PRKG1: variants seen among roughly 807,000 people sequenced by gnomAD.
The protein encoded by PRKG1 is cGMP-dependent protein kinase 1.
Under a neutral mutation model 88.1 loss-of-function variants are expected in PRKG1, and 35 were observed. That is an observed-to-expected ratio of 0.40 (90% CI 0.30 to 0.53). The LOEUF is 0.53. Ranked by LOEUF, PRKG1 falls within the 20% of genes least tolerant of loss-of-function variation. PRKG1 has a pLI of 0.59. For missense variants in PRKG1, 540 were observed against 839.8 expected (o/e 0.64, Z 4.41); for synonymous variants, 303 against 292.5 (o/e 1.04, Z -0.37).
chr10:51,464,972 G>A (rs1344707163), intron 2 of PRKG1, among the ~76,000 whole-genome samples: 4 of 151,984 alleles, frequency 2.6e-5, no homozygotes, highest in Non-Finnish European at 5.9e-5. Flanking sequence ...TTAAACTTTG[G>A]AGACTTACAC....
intron 13 of PRKG1, 108 bp from the exon 14 acceptor site, chr10:52,282,045 C>T (rs1842013111): frequency 2.6e-6 from 3 of 1,142,154 alleles, no homozygotes; most frequent in African/African-American, 3.1e-5. Context: ...ACTATAAAAA[C>T]ATACATGTTT....
intron 2 of PRKG1, among the ~76,000 whole-genome samples, chr10:51,163,107 G>T (rs1327347089): frequency 6.6e-6 from 1 of 151,778 alleles, no homozygotes; most frequent in Non-Finnish European, 1.5e-5. Flanking sequence ...GGAGGCTGGG[G>T]TGAGCCGAGA....
intron 3 of PRKG1, among the ~76,000 whole-genome samples, chr10:51,487,250 A>G (rs1313841825): frequency 1.3e-5 from 2 of 152,218 alleles, no homozygotes; most frequent in African/African-American, 2.4e-5. Context: ...AAATAAGAAT[A>G]CATGTTTAAA....
chr10:51,138,937 C>T (rs1393291112), intron 1 of PRKG1, among the ~76,000 whole-genome samples: 1 of 151,990 alleles, frequency 6.6e-6, no homozygotes, highest in Non-Finnish European at 1.5e-5. Flanking sequence ...TGCTCCTCAG[C>T]CTCCAAAGTG....
chr10:51,709,006 G>C (rs572272061), intron 3 of PRKG1, among the ~76,000 whole-genome samples: 79 of 152,306 alleles, frequency 5.2e-4, no homozygotes, highest in African/African-American at 1.9e-3. Flanking sequence ...TAAAAGGGCT[G>C]TTTTGAGCTA....
chr10:51,168,965 A>G lies in PRKG1; in HGVS notation c.478+15635A>G, dbSNP rs1846624248. 2.0e-5 allele frequency among the ~76,000 whole-genome samples: 3 copies of G among 152,160 alleles called. No individual in the cohort carries two copies. In the South Asian group the frequency reaches 6.2e-4, roughly 31 times the overall value. ...GTTTGTACACTTTCTGATGTTCAAG[A>G]TTTGGGAATTGGATTGGATTCCCCA... On this transcript the variant is annotated intron_variant, in intron 2 of 17. Coordinates refer to ENST00000373980, the MANE Select transcript of PRKG1 (RefSeq NM_006258.4).
At chr10:51,738,973 AT>A (rs1246837257) in intron 3 of PRKG1, among the ~76,000 whole-genome samples, 2 of 152,206 alleles carry the variant, frequency 1.3e-5, no homozygotes, top group African/African-American at 4.8e-5. Context: ...CTAGATGTGC[AT>A]TCTATGTAGG....
chr10:52,172,443 C>T (rs1231003404), intron 9 of PRKG1, among the ~76,000 whole-genome samples: 2 of 152,248 alleles, frequency 1.3e-5, no homozygotes, highest in East Asian at 3.9e-4. Context: ...TACTTTGGTC[C>T]TGTATGGCAA....
At position 51,400,190 on chromosome 10, in the gene PRKG1, C is replaced by T. The variant is rs182331442; in HGVS notation, c.479-67533C>T. Among the ~76,000 whole-genome samples, 269 of 151,912 alleles carry T rather than the reference C, an allele frequency of 1.8e-3. 1 individual carries two copies. The highest frequency in any genetic ancestry group is 0.017 in the Middle Eastern group (5 of 294). On this transcript the variant is annotated intron_variant, in intron 2 of 17. Coordinates refer to ENST00000373980, the MANE Select transcript of PRKG1 (RefSeq NM_006258.4). ...AAAGAGCAATGATTAAGACAGACAA[C>T]GTATTTTCTCTTATAAAGACTGTAT...
rs1847663357 is a variant in PRKG1 at position 52,115,404 on chromosome 10, T to A, written c.936-18436T>A. 2.6e-5 allele frequency among the ~76,000 whole-genome samples: 4 copies of A among 152,170 alleles called. No homozygotes were observed. The South Asian group carries it at 8.3e-4, about 31-fold the overall frequency. On this transcript the variant is annotated intron_variant, in intron 7 of 17. Coordinates refer to ENST00000373980, the MANE Select transcript of PRKG1 (RefSeq NM_006258.4). ...ATAGTCTTATTTCTCTCTCCTTGCC[T>A]ATTTGGCCCTAGAGCTTCAGCCATT...
At chr10:51,284,605 A>G (rs940878732) in intron 2 of PRKG1, among the ~76,000 whole-genome samples, 1 of 152,246 alleles carries the variant, frequency 6.6e-6, no homozygotes, top group African/African-American at 2.4e-5. Flanking sequence ...AAAAAAGTCT[A>G]TAGTGCTTAT....
chr10:51,958,031 T>G (rs574785379), intron 5 of PRKG1, among the ~76,000 whole-genome samples: 1 of 152,284 alleles, frequency 6.6e-6, no homozygotes, highest in Admixed American at 6.5e-5. Flanking sequence ...ACCTTAGATT[T>G]TTTTTAATAT....
chr10:51,960,704 T>A (rs533691335), intron 5 of PRKG1, among the ~76,000 whole-genome samples: 1 of 152,306 alleles, frequency 6.6e-6, no homozygotes, highest in Non-Finnish European at 1.5e-5. Flanking sequence ...AAGCAGATTG[T>A]CTGTGATCCA....
At position 51,883,289 on chromosome 10, in the gene PRKG1, T is replaced by C. The variant is rs1209359852; in HGVS notation, c.699-24218T>C. On this transcript the variant is annotated intron_variant, in intron 4 of 17. Coordinates refer to ENST00000373980, the MANE Select transcript of PRKG1 (RefSeq NM_006258.4). Reference sequence around the variant, plus strand: ...GCTTCTGCAACTTGCAGATGGCAGATTGTGGGGCTCTCAGTCTCCATAATT... The same window carrying C: ...GCTTCTGCAACTTGCAGATGGCAGACTGTGGGGCTCTCAGTCTCCATAATT... 2.0e-5 allele frequency among the ~76,000 whole-genome samples: 3 copies of C among 152,212 alleles called. No homozygotes were observed. In the South Asian group the frequency reaches 6.2e-4, roughly 31 times the overall value.
chr10:51,464,270 C>T lies in PRKG1; in HGVS notation c.479-3453C>T, dbSNP rs570378929. Among the ~76,000 whole-genome samples, 37 of 151,260 alleles carry T rather than the reference C, an allele frequency of 2.4e-4. No individual in the cohort carries two copies. The East Asian group carries it at 7.1e-3, about 29-fold the overall frequency. On this transcript the variant is annotated intron_variant, in intron 2 of 17. Coordinates refer to ENST00000373980, the MANE Select transcript of PRKG1 (RefSeq NM_006258.4). ...ACCACTGCTCTCCAGCCTGGCTGAGCGAGACTCCATCTCAAAAAAAAAAGC... is the reference window on the plus strand; with the variant it reads ...ACCACTGCTCTCCAGCCTGGCTGAGTGAGACTCCATCTCAAAAAAAAAAGC...
intron 4 of PRKG1, among the ~76,000 whole-genome samples, chr10:51,856,748 G>A (rs532252871): frequency 2.0e-5 from 3 of 152,014 alleles, no homozygotes; most frequent in Non-Finnish European, 2.9e-5. Context: ...GGTGGATCAC[G>A]AGGTCAGGAG....
chr10:51,514,589 A>G (rs1841523233), intron 3 of PRKG1, among the ~76,000 whole-genome samples: 1 of 152,330 alleles, frequency 6.6e-6, no homozygotes, highest in African/African-American at 2.4e-5. Context: ...CAAAGACTTG[A>G]AGTCAGTCTG....
chr10:52,223,571 A>C (rs1216860253), intron 9 of PRKG1, among the ~76,000 whole-genome samples: 1 of 152,076 alleles, frequency 6.6e-6, no homozygotes, highest in Non-Finnish European at 1.5e-5. Flanking sequence ...GGTGATCTTC[A>C]GGTAGTCTCA....
chr10:52,269,070 A>G (rs947056767), intron 10 of PRKG1, among the ~76,000 whole-genome samples: 1 of 152,024 alleles, frequency 6.6e-6, no homozygotes, highest in African/African-American at 2.4e-5. Flanking sequence ...GTATAAAAAA[A>G]AAAAAATCTG....
Sources: allele counts gnomAD v4.1 joint callset (sites outside exome capture counted in the v4.1 genomes callset), GRCh38; gene constraint gnomAD v4.1.1; transcripts MANE v1.5; gene names NCBI Gene and HGNC (gene_info 2026-07-23, HGNC 2026-07-21).